Variants in FNDC3B observed in about 807,000 individuals in gnomAD.
FNDC3B encodes fibronectin type III domain-containing protein 3B.
A neutral mutation model predicts 151.5 loss-of-function variants in FNDC3B; 12 were observed. The ratio of observed to expected loss-of-function variants is 0.08; its 90% confidence interval spans 0.05 to 0.13. The LOEUF (loss-of-function observed/expected upper bound fraction) is 0.13, where lower values mean the gene tolerates loss of function less well. FNDC3B is among the 10% of genes least tolerant of loss of function. FNDC3B has a pLI of 1.00. For synonymous variants in FNDC3B, 528 were observed against 549.0 expected, an observed-to-expected ratio of 0.96 and a Z score of 0.54; for missense variants, 1,214 against 1,505.3, an observed-to-expected ratio of 0.81 and a Z score of 3.20.
At chr3:172,289,816 C>T (rs1730227785) in intron 7 of FNDC3B, among the ~76,000 whole-genome samples, 1 of 152,190 alleles carries the variant, frequency 6.6e-6, no homozygotes, top group African/African-American at 2.4e-5. Flanking sequence ...TGCAATCTGG[C>T]ACTCTGGGTT....
chr3:172,309,557 A>G (rs1195302144), intron 10 of FNDC3B, among the ~76,000 whole-genome samples: 1 of 152,150 alleles, frequency 6.6e-6, no homozygotes, highest in Non-Finnish European at 1.5e-5. Flanking sequence ...AGCCTGCAAG[A>G]GCCTAAAATA....
At chr3:172,068,487 A>G (rs970045475) in intron 1 of FNDC3B, among the ~76,000 whole-genome samples, 2 of 144,824 alleles carry the variant, frequency 1.4e-5, no homozygotes, top group Admixed American at 1.5e-4. Context: ...GCAGTGGCAC[A>G]ATCTCGTCTC....
rs1456546714 is a variant in FNDC3B, at chr3:172,039,763, C to A, written c.-37C>A. 6.5e-6 allele frequency: 1 copy of A among 154,102 alleles called. No homozygotes were observed. Among genetic ancestry groups the A allele is most frequent in the Non-Finnish European group, 1.5e-5 (1 of 68,916 alleles). The allele number at this position is 154,102 out of a possible 1,614,324, so 9.5% of individuals were successfully genotyped here. A position where few individuals can be genotyped will look rare whatever the true frequency, so the allele number is the denominator to read the frequency against. ...GCGCCCAGAGCCCCGCGTTTCAGCC[C>A]TAGGGAAGGTAAGGCGTGCAAGAGC... On this transcript the variant is annotated 5_prime_UTR_variant, in exon 1 of 26. Coordinates refer to ENST00000415807, the MANE Select transcript of FNDC3B (RefSeq NM_022763.4).
At chr3:172,371,674 C>A (rs904095120) in intron 23 of FNDC3B, among the ~76,000 whole-genome samples, 4 of 152,188 alleles carry the variant, frequency 2.6e-5, no homozygotes, top group Non-Finnish European at 5.9e-5. Context: ...AGTAAAAATG[C>A]CCGACGCTAT....
chr3:172,292,925 T>C (rs1403684078), intron 7 of FNDC3B, among the ~76,000 whole-genome samples: 2 of 152,118 alleles, frequency 1.3e-5, no homozygotes, highest in Non-Finnish European at 2.9e-5. Context: ...ATGCACCAAA[T>C]GCAGGGATGG....
intron 1 of FNDC3B, among the ~76,000 whole-genome samples, chr3:172,071,249 G>A (rs1246406557): frequency 6.6e-6 from 1 of 152,118 alleles, no homozygotes; most frequent in Non-Finnish European, 1.5e-5. Context: ...GCTAAATATA[G>A]TATACCCTAA....
chr3:172,246,061 G>GT (rs371053511), intron 4 of FNDC3B, among the ~76,000 whole-genome samples: 16 of 152,088 alleles, frequency 1.1e-4, no homozygotes, highest in African/African-American at 3.6e-4. Context: ...GCTAAGTATA[G>GT]TTTTTTGTTG....
chr3:172,237,152 G>A (rs1727211191), intron 4 of FNDC3B, among the ~76,000 whole-genome samples: 2 of 152,146 alleles, frequency 1.3e-5, no homozygotes, highest in South Asian at 2.1e-4. Context: ...AAAGCCTGTC[G>A]GTAAGATTCA....
At chr3:172,317,022 C>T (rs535304918) in intron 11 of FNDC3B, among the ~76,000 whole-genome samples, 1 of 152,256 alleles carries the variant, frequency 6.6e-6, no homozygotes, top group African/African-American at 2.4e-5. Context: ...GAACCAAACT[C>T]GTCTTTTTAT....
At chr3:172,051,947 A>G (rs1001699780) in intron 1 of FNDC3B, among the ~76,000 whole-genome samples, 1 of 152,188 alleles carries the variant, frequency 6.6e-6, no homozygotes, top group Non-Finnish European at 1.5e-5. Flanking sequence ...ATGGGCCCTC[A>G]ATTATGTACA....
chr3:172,307,527 C>T (rs538159858), intron 10 of FNDC3B, 26 bp downstream of exon 10: 18 of 1,613,014 alleles, frequency 1.1e-5, no homozygotes, highest in African/African-American at 8.0e-5. Flanking sequence ...CATCAAGAAT[C>T]GTCTCAATTT....
At chr3:172,300,902 C>CT (rs1484885537) in intron 9 of FNDC3B, among the ~76,000 whole-genome samples, 1 of 152,198 alleles carries the variant, frequency 6.6e-6, no homozygotes, top group East Asian at 1.9e-4. Flanking sequence ...ATCATACGTT[C>CT]TTTTTCCTTT....
intron 3 of FNDC3B, among the ~76,000 whole-genome samples, chr3:172,226,311 A>C (rs1411376755): frequency 6.6e-6 from 1 of 151,774 alleles, no homozygotes; most frequent in Non-Finnish European, 1.5e-5. Flanking sequence ...GTCTCAAAAA[A>C]AAAAAAAAAA....
Position 172,059,344 on chromosome 3 carries a change from G to A in FNDC3B, c.-29+19573G>A, listed in dbSNP as rs544467431. On this transcript the variant is annotated intron_variant, in intron 1 of 25. Coordinates refer to ENST00000415807, the MANE Select transcript of FNDC3B (RefSeq NM_022763.4). ...TGTGATCCATACACCTTCCCAGTGG[G>A]TTTTTGGATAAGTCTCAGATTAGTT... Among the ~76,000 whole-genome samples, 61 of 152,220 alleles carry A rather than the reference G, an allele frequency of 4.0e-4. No individual in the cohort carries two copies. The South Asian group carries it at 0.012, about 29-fold the overall frequency.
chr3:172,118,982 C>T (rs1720401815), intron 2 of FNDC3B, among the ~76,000 whole-genome samples: 1 of 151,744 alleles, frequency 6.6e-6, no homozygotes, highest in Admixed American at 6.6e-5. Context: ...TCCTGACTAA[C>T]ATGGTGAAAC....
chr3:172,397,125 G>C (rs985162365), intron 25 of FNDC3B, 39 bp from the exon 26 acceptor site: 1 of 1,496,908 alleles, frequency 6.7e-7, no homozygotes, highest in African/African-American at 1.4e-5. Flanking sequence ...CAACAGTGTT[G>C]CTATAAATTA....
At chr3:172,209,793 C>T (rs1406621645) in intron 3 of FNDC3B, among the ~76,000 whole-genome samples, 1 of 152,238 alleles carries the variant, frequency 6.6e-6, no homozygotes, top group Non-Finnish European at 1.5e-5. Flanking sequence ...CCATCCATGG[C>T]GCCCAGGCTG....
intron 1 of FNDC3B, among the ~76,000 whole-genome samples, chr3:172,066,975 T>C (rs902770203): frequency 6.6e-6 from 1 of 152,202 alleles, no homozygotes; most frequent in African/African-American, 2.4e-5. Context: ...TACACAATAT[T>C]CTCTTATTGT....
At chr3:172,133,084 A>G (rs1721185846) in intron 2 of FNDC3B, among the ~76,000 whole-genome samples, 1 of 152,260 alleles carries the variant, frequency 6.6e-6, no homozygotes, top group South Asian at 2.1e-4. Context: ...TGGGAACAGT[A>G]TGCAGCACTG....
Sources: allele counts gnomAD v4.1 joint callset (sites outside exome capture counted in the v4.1 genomes callset), GRCh38; gene constraint gnomAD v4.1.1; transcripts MANE v1.5; gene names NCBI Gene and HGNC (gene_info 2026-07-23, HGNC 2026-07-21).